Variants in LIN28B observed in about 807,000 individuals in gnomAD.
LIN28B encodes lin-28 RNA binding posttranscriptional regulator B, also known as protein lin-28 homolog B.
LIN28B carries 5 observed loss-of-function variants against 21.9 expected under a neutral mutation model. The ratio of observed to expected loss-of-function variants is 0.23; its 90% confidence interval spans 0.12 to 0.48. LIN28B has a LOEUF of 0.48. Ranked by LOEUF, LIN28B falls within the 20% of genes least tolerant of loss-of-function variation. The pLI is 0.98. For missense variants in LIN28B, 245 were observed against 310.5 expected (o/e 0.79, Z 1.58); for synonymous variants, 109 against 111.3 (o/e 0.98, Z 0.13).
chr6:104,988,065 T>A (rs1263768778), intron 2 of LIN28B, among the ~76,000 whole-genome samples: 3 of 152,208 alleles, frequency 2.0e-5, no homozygotes, highest in South Asian at 2.1e-4. Flanking sequence ...TCTATTTTTT[T>A]AAATTTTCTT....
chr6:105,069,688 CAA>C (rs745592711), intron 3 of LIN28B, among the ~76,000 whole-genome samples: 44 of 125,634 alleles, frequency 3.5e-4, no homozygotes, highest in African/African-American at 5.0e-4. Flanking sequence ...GACCCTGTCT[CAA>C]AAAAAAAAAA....
chr6:104,996,632 G>A (rs1770611552), intron 2 of LIN28B, among the ~76,000 whole-genome samples: 1 of 152,086 alleles, frequency 6.6e-6, no homozygotes, highest in Non-Finnish European at 1.5e-5. Flanking sequence ...GTGTAGAGGG[G>A]TAGTAAAGTA....
chr6:105,000,092 T>G (rs1770691284), intron 2 of LIN28B, among the ~76,000 whole-genome samples: 1 of 152,138 alleles, frequency 6.6e-6, no homozygotes, highest in South Asian at 2.1e-4. Flanking sequence ...AATACAGAAG[T>G]TTCAAATAAG....
chr6:104,968,948 T>G (rs1199941250), intron 2 of LIN28B, among the ~76,000 whole-genome samples: 3 of 152,210 alleles, frequency 2.0e-5, no homozygotes, highest in Non-Finnish European at 4.4e-5. Context: ...TCTTCCTGTG[T>G]GATTTAAATA....
intron 3 of LIN28B, among the ~76,000 whole-genome samples, chr6:105,075,770 T>G (rs1370803740): frequency 6.6e-6 from 1 of 152,138 alleles, no homozygotes; most frequent in Non-Finnish European, 1.5e-5. Flanking sequence ...GTGGGCAAAA[T>G]GGTTCCCTGA....
chr6:105,019,268 TA>T (rs1771088863), intron 2 of LIN28B, among the ~76,000 whole-genome samples: 1 of 152,130 alleles, frequency 6.6e-6, no homozygotes, highest in Non-Finnish European at 1.5e-5. Flanking sequence ...AATTATGCTG[TA>T]TGTTTTATGA....
chr6:104,952,512 G>C (rs1778231089), upstream of LIN28B, among the ~76,000 whole-genome samples: 1 of 152,054 alleles, frequency 6.6e-6, no homozygotes, highest in African/African-American at 2.4e-5. Context: ...TTTTTAAAAA[G>C]ATACTTTCTA....
At chr6:104,971,926 T>G (rs182083928) in intron 2 of LIN28B, among the ~76,000 whole-genome samples, 1 of 152,292 alleles carries the variant, frequency 6.6e-6, no homozygotes, top group Non-Finnish European at 1.5e-5. Context: ...AATCTAGTAC[T>G]AACATTTATT....
intron 3 of LIN28B, among the ~76,000 whole-genome samples, chr6:105,054,033 T>A (rs1771974611): frequency 9.0e-6 from 1 of 110,712 alleles, no homozygotes; most frequent in Admixed American, 1.0e-4. Context: ...CGTGAGACAC[T>A]GCACCCAGCC....
chr6:105,051,099 T>C (rs1771892157), intron 3 of LIN28B, among the ~76,000 whole-genome samples: 1 of 150,822 alleles, frequency 6.6e-6, no homozygotes, highest in Non-Finnish European at 1.5e-5. Context: ...TGTAGACTAA[T>C]AAGTAAATAT....
chr6:105,043,341 CAAAAAAAAAAAA>C (rs57532096), intron 3 of LIN28B, among the ~76,000 whole-genome samples: 28 of 75,384 alleles, frequency 3.7e-4, no homozygotes, highest in East Asian at 1.2e-3. Context: ...GACTCTGTCT[CAAAAAAAAAAAA>C]AAAAAAAAAA....
At chr6:105,020,344 AT>A (rs111695532) in intron 2 of LIN28B, among the ~76,000 whole-genome samples, 117 of 145,070 alleles carry the variant, frequency 8.1e-4, no homozygotes, top group Middle Eastern at 7.3e-3. Context: ...TACAGCAAGG[AT>A]TTTTTTTTTT....
intron 3 of LIN28B, among the ~76,000 whole-genome samples, chr6:105,060,507 G>A (rs1772105327): frequency 6.6e-6 from 1 of 152,148 alleles, no homozygotes; most frequent in South Asian, 2.1e-4. Context: ...GTTGGTGACT[G>A]AGTGGTATGA....
At chr6:104,961,122 G>T (rs1011580975) in intron 2 of LIN28B, among the ~76,000 whole-genome samples, 2 of 152,088 alleles carry the variant, frequency 1.3e-5, no homozygotes, top group Non-Finnish European at 2.9e-5. Context: ...TTTTTATGAT[G>T]TGAAAATATA....
rs1358989358 is a variant in LIN28B, at chr6:105,082,988, CCT to C, written c.*4206_*4207del. 1 of 152,392 alleles carries C rather than the reference CCT, an allele frequency of 6.6e-6. No individual in the cohort carries two copies. The highest frequency in any genetic ancestry group is 2.4e-5 in the African/African-American group (1 of 41,366). 9.4% of individuals were successfully genotyped at this position (152,392 alleles called of 1,614,324 possible). A position where few individuals can be genotyped will look rare whatever the true frequency, so the allele number is the denominator to read the frequency against. ...AACCGTACTAGAGACCAAAGTGAAC[CCT>C]GATTTTTATATGTCTTTAATAATGG... is the stretch of plus-strand genomic sequence containing the variant. On this transcript the variant is annotated 3_prime_UTR_variant, in exon 4 of 4. Transcript: ENST00000345080.
chr6:104,954,166 A>G (rs531432076), upstream of LIN28B, among the ~76,000 whole-genome samples: 46 of 152,304 alleles, frequency 3.0e-4, no homozygotes, highest in South Asian at 8.5e-3. Context: ...CAGGAATAAA[A>G]CACCCCTTTT....
chr6:105,053,546 G>A (rs555507101), intron 3 of LIN28B, among the ~76,000 whole-genome samples: 13 of 152,182 alleles, frequency 8.5e-5, no homozygotes, highest in Admixed American at 7.2e-4. Flanking sequence ...CAGCAGATTC[G>A]TTGCTTTCAT....
chr6:105,067,088 G>A lies in LIN28B; in HGVS notation c.384-11326G>A, dbSNP rs548691064. On this transcript the variant is annotated intron_variant, in intron 3 of 3. Transcript: ENST00000345080. The stretch of plus-strand genomic sequence containing the variant: ...GCAGCCCTGATGGTTTTAAGTTTTC[G>A]GCAAGGCTGCTCTAATAAATGAACA... 7.2e-5 allele frequency among the ~76,000 whole-genome samples: 11 copies of A among 152,190 alleles called. No individual in the cohort carries two copies. The South Asian group carries it at 2.3e-3, about 32-fold the overall frequency.
At chr6:105,011,991 C>G (rs1770933228) in intron 2 of LIN28B, among the ~76,000 whole-genome samples, 2 of 152,084 alleles carry the variant, frequency 1.3e-5, no homozygotes, top group Admixed American at 1.3e-4. Flanking sequence ...AACCCCATCT[C>G]TACTAAAAAT....
Sources: gnomAD v4.1 joint callset for allele counts (sites outside exome capture counted in the v4.1 genomes callset) on GRCh38, gnomAD v4.1.1 for gene constraint, MANE v1.5 for transcripts, NCBI Gene and HGNC (gene_info 2026-07-23, HGNC 2026-07-21) for gene names.